Variants in HACL1 observed in about 807,000 individuals in gnomAD.
HACL1 encodes 2-hydroxyacyl-CoA lyase 1.
A neutral mutation model predicts 74.2 loss-of-function variants in HACL1; 64 were observed. The observed-to-expected ratio is 0.86, with a 90% CI of 0.70 to 1.06. The LOEUF is 1.06. Ranked by LOEUF, HACL1 falls within the 50% of genes least tolerant of loss-of-function variation. The pLI, the probability that HACL1 is intolerant of heterozygous loss-of-function variation, is 0.00. For missense variants in HACL1, 728 were observed against 719.7 expected, an observed-to-expected ratio of 1.01 and a Z score of -0.13; for synonymous variants, 230 against 238.8, an observed-to-expected ratio of 0.96 and a Z score of 0.34.
intron 3 of HACL1, among the ~76,000 whole-genome samples, chr3:15,593,022 G>A (rs115603935): frequency 0.36 from 16,636 of 45,852 alleles, 5,244 homozygotes; most frequent in African/African-American, 0.68. Context: ...ACACATGTAC[G>A]CATATGTACA....
At chr3:15,575,362 A>T (rs760029029) in intron 9 of HACL1, among the ~76,000 whole-genome samples, 8 of 152,178 alleles carry the variant, frequency 5.3e-5, no homozygotes, top group Admixed American at 2.0e-4. Context: ...GTACAAGTAC[A>T]CTGTAGGCAA....
chr3:15,588,579 C>A (rs1056037486), intron 5 of HACL1, among the ~76,000 whole-genome samples: 3 of 151,692 alleles, frequency 2.0e-5, no homozygotes, highest in Non-Finnish European at 4.4e-5. Flanking sequence ...GGCAACACAG[C>A]CATATCCTGT....
At chr3:15,592,169 TGC>T (rs1297805004) in intron 3 of HACL1, among the ~76,000 whole-genome samples, 67 of 149,996 alleles carry the variant, frequency 4.5e-4, no homozygotes, top group African/African-American at 1.6e-3. Flanking sequence ...TACGTATACA[TGC>T]ATGTATATAT....
In HACL1 at chr3:15,592,282, G is replaced by GTATACATA. The variant is rs1421152353; in HGVS notation, c.228-603_228-602insTATGTATA. On this transcript the variant is annotated intron_variant, in intron 3 of 16. Transcript: ENST00000321169. ...TGGATCCATATATACGTATACATAC[G>GTATACATA]TGTATATGTATACATACGTATATAT... 1.5e-3 allele frequency among the ~76,000 whole-genome samples: 217 copies of GTATACATA among 143,624 alleles called. 15 individuals are homozygous for GTATACATA. The highest frequency in any genetic ancestry group is 5.4e-3 in the African/African-American group (196 of 35,998). The allele number at this position is 143,624 out of a possible 152,430, so 94.2% of individuals were successfully genotyped here.
At position 15,571,705 on chromosome 3, in the gene HACL1, A is replaced by T. The variant is rs762075165; in HGVS notation, c.1058T>A (p.Leu353Gln). The T allele has an allele frequency of 1.9e-6, 3 of 1,549,114 alleles. No individual in the cohort carries two copies. Among genetic ancestry groups the T allele is most frequent in the Admixed American group, 1.7e-5 (1 of 59,738 alleles). ...TTCATTGCTCTTCATTTTTTCTCTC[A>T]GAGTTTTCCACCACTTGCTCTCTGG... ...YPPESKWWKT[L>Q]REKMKSNEAA... Residue 353 changes from leucine to glutamine, a missense_variant, in exon 12 of 17, where the codon CTG becomes CAG. Transcript: ENST00000321169.
At chr3:15,561,946 C>G (rs1439511067) in intron 16 of HACL1, among the ~76,000 whole-genome samples, 1 of 152,208 alleles carries the variant, frequency 6.6e-6, no homozygotes, top group African/African-American at 2.4e-5. Flanking sequence ...TCCCAAAGGG[C>G]TGGGATTACC....
At position 15,591,895 on chromosome 3, in the gene HACL1, G is replaced by GTA. The variant is rs971067218; in HGVS notation, c.228-217_228-216dup. 6.3e-4 allele frequency among the ~76,000 whole-genome samples: 94 copies of GTA among 149,896 alleles called. 1 individual carries two copies. The highest frequency in any genetic ancestry group is 1.2e-3 in the Non-Finnish European group (79 of 67,452). ...ACATACACACATATACGTATATAGT[G>GTA]TATACACTATATATGTATATAGTGT... On this transcript the variant is annotated intron_variant, in intron 3 of 16. Transcript: ENST00000321169.
rs1459302978 is a variant in HACL1, at chr3:15,564,536, G to A, written c.1517+15C>T. On this transcript the variant is annotated intron_variant, in intron 15 of 16. Transcript: ENST00000321169. ...GGAAAGAGAAAGTAAACAGACATTG[G>A]TCTTGGTTACTTACACTGCAGTAGC... 1 of 1,073,546 alleles carries A rather than the reference G, an allele frequency of 9.3e-7. No homozygotes were observed. 66.5% of individuals were successfully genotyped at this position (1,073,546 alleles called of 1,614,324 possible).
intron 3 of HACL1, among the ~76,000 whole-genome samples, chr3:15,593,010 A>G (rs1350738523): frequency 1.5e-5 from 1 of 64,788 alleles, no homozygotes; most frequent in Non-Finnish European, 4.2e-5. Flanking sequence ...GTGTGCGTGT[A>G]TACACATGTA....
intron 9 of HACL1, among the ~76,000 whole-genome samples, chr3:15,575,457 T>A (rs1162082812): frequency 1.3e-5 from 2 of 152,210 alleles, no homozygotes; most frequent in Non-Finnish European, 2.9e-5. Context: ...ATGAATATAC[T>A]GGCAAATTTT....
intron 4 of HACL1, 110 bp downstream of exon 4, chr3:15,591,490 G>C (rs555821809): frequency 6.4e-5 from 36 of 565,882 alleles, no homozygotes; most frequent in Admixed American, 5.8e-4. Context: ...AGAATTGAAG[G>C]GGTTTTTTTT....
At chr3:15,572,264 A>G (rs2063549151) in intron 11 of HACL1, among the ~76,000 whole-genome samples, 1 of 152,206 alleles carries the variant, frequency 6.6e-6, no homozygotes, top group Non-Finnish European at 1.5e-5. Flanking sequence ...AACACCTGAT[A>G]GAATCAATGG....
At chr3:15,594,655 G>A (rs555946659) in intron 3 of HACL1, among the ~76,000 whole-genome samples, 112 of 152,152 alleles carry the variant, frequency 7.4e-4, no homozygotes, top group African/African-American at 2.6e-3. Flanking sequence ...AGTATGATAC[G>A]GTAGCCACTA....
chr3:15,600,917 C>A, intron 2 of HACL1, 173 bp downstream of exon 2: 5 of 624,284 alleles, frequency 8.0e-6, no homozygotes, highest in South Asian at 7.2e-5. Flanking sequence ...TAACCTGTGT[C>A]TTTTCTCATC....
chr3:15,594,320 C>A (rs1204674130), intron 3 of HACL1, among the ~76,000 whole-genome samples: 1 of 152,108 alleles, frequency 6.6e-6, no homozygotes, highest in Admixed American at 6.5e-5. Flanking sequence ...GCAGGAGAAT[C>A]GCTGGAACCT....
At chr3:15,564,853 GA>G (rs2063406379) in intron 14 of HACL1, among the ~76,000 whole-genome samples, 195 bp from the exon 15 acceptor site, 1 of 152,164 alleles carries the variant, frequency 6.6e-6, no homozygotes, top group Non-Finnish European at 1.5e-5. Context: ...TGGAAAGGCA[GA>G]AAGAATGCAA....
In HACL1 at chr3:15,586,508, G is replaced by C; in HGVS notation, c.459+17C>G. The C allele has an allele frequency of 7.1e-7, 1 of 1,409,160 alleles. No individual in the cohort carries two copies. Among genetic ancestry groups the C allele is most frequent in the East Asian group, 2.3e-5 (1 of 43,488 alleles). The allele number at this position is 1,409,160 out of a possible 1,614,324, so 87.3% of individuals were successfully genotyped here. A position where few individuals can be genotyped will look rare whatever the true frequency, so the allele number is the denominator to read the frequency against. On this transcript the variant is annotated intron_variant, in intron 6 of 16. Transcript: ENST00000321169. ...AAAAATCAGTTGACTTGGAGAGCTT[G>C]TTATTAAATACTGTACCTTTTCAAT...
At chr3:15,576,304 T>C (rs947872562) in intron 9 of HACL1, among the ~76,000 whole-genome samples, 1 of 152,086 alleles carries the variant, frequency 6.6e-6, no homozygotes, top group Non-Finnish European at 1.5e-5. Context: ...TAGTGCTGGC[T>C]TGCACATCTT....
At chr3:15,565,023 T>G (rs2063409078) in intron 14 of HACL1, among the ~76,000 whole-genome samples, 1 of 151,828 alleles carries the variant, frequency 6.6e-6, no homozygotes, top group Non-Finnish European at 1.5e-5. Context: ...AAATTAGCTG[T>G]GCATGGTGGC....
Sources: gnomAD v4.1 joint callset for allele counts (sites outside exome capture counted in the v4.1 genomes callset) on GRCh38, gnomAD v4.1.1 for gene constraint, MANE v1.5 for transcripts, NCBI Gene and HGNC (gene_info 2026-07-23, HGNC 2026-07-21) for gene names.